C1orf21: variants seen among roughly 807,000 people sequenced by gnomAD.
C1orf21 encodes the protein chromosome 1 open reading frame 21.
C1orf21 carries 3 observed loss-of-function variants against 18.7 expected under a neutral mutation model. That is an observed-to-expected ratio of 0.16 (90% CI 0.07 to 0.42). C1orf21 has a LOEUF of 0.42. Among genes scored for constraint, C1orf21 ranks in the 10% least tolerant of loss-of-function variants. The probability of loss-of-function intolerance (pLI) is 0.99; values close to 1 mark genes in which losing one functional copy is unlikely to be tolerated. For synonymous variants in C1orf21, 41 were observed against 46.4 expected (o/e 0.88, Z 0.47); for missense variants, 104 against 143.6 (o/e 0.72, Z 1.41).
intron 1 of C1orf21, among the ~76,000 whole-genome samples, chr1:184,453,648 T>C (rs1216900606): frequency 6.8e-6 from 1 of 147,956 alleles, no homozygotes; most frequent in East Asian, 2.0e-4. Flanking sequence ...TGAAGATATC[T>C]AGACCAAAAC....
chr1:184,510,648 G>A (rs757429274), intron 3 of C1orf21, among the ~76,000 whole-genome samples: 20 of 152,344 alleles, frequency 1.3e-4, no homozygotes, highest in Non-Finnish European at 2.5e-4. Context: ...TGGCAGAGAA[G>A]AGGAGTAGGT....
intron 1 of C1orf21, among the ~76,000 whole-genome samples, chr1:184,400,283 G>A (rs535946755): frequency 7.5e-4 from 114 of 152,272 alleles, no homozygotes; most frequent in African/African-American, 2.7e-3. Flanking sequence ...CCACAGTACA[G>A]TTGTTAGGGG....
intron 2 of C1orf21, among the ~76,000 whole-genome samples, chr1:184,482,447 C>CCAGA (rs1657672171): frequency 6.6e-6 from 1 of 152,126 alleles, no homozygotes; most frequent in African/African-American, 2.4e-5. Flanking sequence ...GAGAATGTGC[C>CCAGA]CGTAGAAAGA....
intron 3 of C1orf21, among the ~76,000 whole-genome samples, chr1:184,561,164 C>T (rs1458679235): frequency 6.6e-6 from 1 of 152,140 alleles, no homozygotes; most frequent in African/African-American, 2.4e-5. Flanking sequence ...TTGCCTAGCC[C>T]AACCTAAGCC....
intron 3 of C1orf21, among the ~76,000 whole-genome samples, chr1:184,558,300 A>G (rs189691019): frequency 1.3e-5 from 2 of 152,212 alleles, no homozygotes; most frequent in South Asian, 2.1e-4. Flanking sequence ...AATGTTCATC[A>G]GTAAATTATT....
chr1:184,400,680 T>TTTGTTG (rs140624178), intron 1 of C1orf21, among the ~76,000 whole-genome samples: 2 of 151,764 alleles, frequency 1.3e-5, no homozygotes, highest in Admixed American at 6.6e-5. Context: ...TGGGGAATTT[T>TTTGTTG]TTGTTGTTGT....
chr1:184,450,387 A>T (rs1657104499), intron 1 of C1orf21, among the ~76,000 whole-genome samples: 1 of 152,170 alleles, frequency 6.6e-6, no homozygotes, highest in Admixed American at 6.5e-5. Context: ...CAGCTGTAGC[A>T]CTAAATCAGG....
At chr1:184,588,064 C>T (rs1659382897) in intron 3 of C1orf21, among the ~76,000 whole-genome samples, 1 of 152,172 alleles carries the variant, frequency 6.6e-6, no homozygotes, top group African/African-American at 2.4e-5. Flanking sequence ...AAAAGCACCT[C>T]TATAGCTGAT....
intron 3 of C1orf21, among the ~76,000 whole-genome samples, chr1:184,529,882 C>T (rs1256813572): frequency 6.6e-6 from 1 of 152,190 alleles, no homozygotes; most frequent in East Asian, 1.9e-4. Context: ...GAGAAGAAGC[C>T]TGGGCTTTAG....
At chr1:184,477,209 A>G (rs1657584131) in intron 1 of C1orf21, among the ~76,000 whole-genome samples, 177 bp from the exon 2 acceptor site, 1 of 152,106 alleles carries the variant, frequency 6.6e-6, no homozygotes, top group Admixed American at 6.6e-5. Context: ...TGAGTGGGAA[A>G]TCAAGTGAGA....
intron 3 of C1orf21, among the ~76,000 whole-genome samples, chr1:184,522,480 G>C (rs1004410479): frequency 6.6e-6 from 1 of 152,024 alleles, no homozygotes; most frequent in Non-Finnish European, 1.5e-5. Context: ...TATGTAAGAG[G>C]CTCCTGGTGC....
At chr1:184,607,436 C>A (rs1659662853) in intron 5 of C1orf21, among the ~76,000 whole-genome samples, 1 of 152,046 alleles carries the variant, frequency 6.6e-6, no homozygotes, top group Non-Finnish European at 1.5e-5. Flanking sequence ...CCGGTAAAAA[C>A]CATCAATTAA....
In C1orf21 at chr1:184,476,817, C is replaced by A. The variant is rs77266041; in HGVS notation, c.-124-569C>A. Among the ~76,000 whole-genome samples, 281 of 152,232 alleles carry A rather than the reference C, an allele frequency of 1.8e-3. 6 individuals are homozygous for A. In the East Asian group the frequency reaches 0.046, roughly 25 times the overall value. On this transcript the variant is annotated intron_variant, in intron 1 of 5. Transcript: ENST00000235307. ...TTCCTTTGTCTCCAAAACAGTGTCA[C>A]CTCAGGTAAAATAAAATACTGAATT...
chr1:184,410,310 T>G (rs942147499), intron 1 of C1orf21, among the ~76,000 whole-genome samples: 2 of 152,032 alleles, frequency 1.3e-5, no homozygotes, highest in African/African-American at 4.8e-5. Context: ...TGGATATCTT[T>G]GATTTTATAC....
intron 3 of C1orf21, among the ~76,000 whole-genome samples, chr1:184,532,050 T>C (rs1312928961): frequency 6.6e-6 from 1 of 152,138 alleles, no homozygotes. Flanking sequence ...AGGTTTTTTT[T>C]TTTAATTTAG....
intron 3 of C1orf21, among the ~76,000 whole-genome samples, chr1:184,573,311 A>G (rs1659140617): frequency 6.6e-6 from 1 of 152,168 alleles, no homozygotes; most frequent in South Asian, 2.1e-4. Flanking sequence ...TATTCATACC[A>G]TTCTGTTTTT....
chr1:184,489,063 C>T (rs943165798), intron 2 of C1orf21, among the ~76,000 whole-genome samples: 3 of 152,078 alleles, frequency 2.0e-5, no homozygotes, highest in African/African-American at 7.2e-5. Flanking sequence ...CTTAATGCTA[C>T]AAAACCCAAT....
At chr1:184,538,654 A>G (rs2101976525) in intron 3 of C1orf21, among the ~76,000 whole-genome samples, 1 of 152,272 alleles carries the variant, frequency 6.6e-6, no homozygotes, top group South Asian at 2.1e-4. Context: ...AGTAAGAGTA[A>G]TGTCATTCTT....
chr1:184,466,754 G>A (rs1557979328), intron 1 of C1orf21, among the ~76,000 whole-genome samples: 1 of 151,668 alleles, frequency 6.6e-6, no homozygotes, highest in Non-Finnish European at 1.5e-5. Context: ...TTTTCAGATG[G>A]GCAAGATTAG....
Sources: gnomAD v4.1 joint callset for allele counts (sites outside exome capture counted in the v4.1 genomes callset) on GRCh38, gnomAD v4.1.1 for gene constraint, MANE v1.5 for transcripts, NCBI Gene and HGNC (gene_info 2026-07-23, HGNC 2026-07-21) for gene names.